C3orf22: variants seen among roughly 807,000 people sequenced by gnomAD.
The protein encoded by C3orf22 is chromosome 3 open reading frame 22.
C3orf22 carries 7 observed loss-of-function variants against 10.8 expected under a neutral mutation model. The observed-to-expected ratio is 0.65, with a 90% CI of 0.37 to 1.22. The LOEUF is 1.22. Ranked by LOEUF, C3orf22 falls within the 50% of genes most tolerant of loss-of-function variation. The pLI is 0.02. For missense variants in C3orf22, 173 were observed against 177.0 expected (o/e 0.98, Z 0.13); for synonymous variants, 79 against 78.9 (o/e 1.00, Z 0.00).
chr3:126,528,608 C>A (rs983116956), intron 5 of C3orf22, among the ~76,000 whole-genome samples: 2 of 152,038 alleles, frequency 1.3e-5, no homozygotes, highest in African/African-American at 4.8e-5. Flanking sequence ...AGCCCTGGGG[C>A]CTACCCGGGG....
chr3:126,546,631 C>T (rs948031334), downstream of C3orf22, among the ~76,000 whole-genome samples: 1 of 152,152 alleles, frequency 6.6e-6, no homozygotes, highest in Non-Finnish European at 1.5e-5. Flanking sequence ...AGAGAGCCCC[C>T]ATCAGGGAAC....
At chr3:126,535,199 A>T (rs1936752365) in intron 4 of C3orf22, among the ~76,000 whole-genome samples, 1 of 149,900 alleles carries the variant, frequency 6.7e-6, no homozygotes, top group Non-Finnish European at 1.5e-5. Context: ...AGACAGACAG[A>T]CAGCATCGCT....
At chr3:126,539,948 T>C (rs1342836492) in intron 4 of C3orf22, among the ~76,000 whole-genome samples, 19 of 13,640 alleles carry the variant, frequency 1.4e-3, no homozygotes, top group African/African-American at 3.9e-3. Context: ...ATGCCACACC[T>C]GCCACACATG....
At chr3:126,540,191 T>C (rs533376736) in intron 4 of C3orf22, among the ~76,000 whole-genome samples, 1 of 152,164 alleles carries the variant, frequency 6.6e-6, no homozygotes, top group Non-Finnish European at 1.5e-5. Context: ...TGGCCTCCTC[T>C]GAAATGGAAA....
chr3:126,550,253 G>A (rs145159042), intron 3 of C3orf22, 175 bp from the exon 4 acceptor site: 25 of 242,138 alleles, frequency 1.0e-4, no homozygotes, highest in African/African-American at 5.8e-4. Flanking sequence ...GATGTCCCAG[G>A]AAGCCATGGG....
At chr3:126,534,363 T>A (rs893278552) in intron 4 of C3orf22, among the ~76,000 whole-genome samples, 2 of 152,164 alleles carry the variant, frequency 1.3e-5, no homozygotes, top group African/African-American at 4.8e-5. Flanking sequence ...TTATAATAGT[T>A]CTAGGAAAAC....
chr3:126,530,589 G>A (rs1936637022), intron 4 of C3orf22, among the ~76,000 whole-genome samples: 1 of 152,244 alleles, frequency 6.6e-6, no homozygotes, highest in Non-Finnish European at 1.5e-5. Context: ...CTCCTCTCAT[G>A]GGTTGCCTGG....
chr3:126,546,270 G>C (rs189098698), downstream of C3orf22, among the ~76,000 whole-genome samples: 20 of 152,140 alleles, frequency 1.3e-4, no homozygotes, highest in Non-Finnish European at 1.3e-4. Flanking sequence ...GTTGGAAGTC[G>C]GGCGATAAAT....
intron 4 of C3orf22, among the ~76,000 whole-genome samples, chr3:126,537,477 T>C (rs1936822545): frequency 6.6e-6 from 1 of 152,244 alleles, no homozygotes; most frequent in East Asian, 1.9e-4. Flanking sequence ...GTTGGGTAGG[T>C]GGCTGCTCCC....
At chr3:126,551,280 CG>C (rs1360508454) in intron 3 of C3orf22, among the ~76,000 whole-genome samples, 2 of 152,040 alleles carry the variant, frequency 1.3e-5, no homozygotes, top group Admixed American at 6.5e-5. Context: ...CTGGAGTGGG[CG>C]GGGGGCCAGG....
chr3:126,550,686 C>T (rs1001744622), intron 3 of C3orf22, among the ~76,000 whole-genome samples: 3 of 152,174 alleles, frequency 2.0e-5, no homozygotes, highest in African/African-American at 4.8e-5. Context: ...TGGGCCCGGC[C>T]GTAGAGATGT....
intron 4 of C3orf22, chr3:126,536,263 GC>G (rs1560140385): frequency 2.5e-6 from 4 of 1,613,112 alleles, no homozygotes; most frequent in Non-Finnish European, 3.4e-6. Context: ...CTCTCCTTAT[GC>G]CCACAGCATT....
At chr3:126,542,471 C>T (rs768577396) in intron 4 of C3orf22, 2 of 1,580,780 alleles carry the variant, frequency 1.3e-6, no homozygotes, top group East Asian at 2.4e-5. Context: ...GGCAGCGCGC[C>T]TCTTCCGGGA....
At chr3:126,534,362 T>C (rs1032277318) in intron 4 of C3orf22, among the ~76,000 whole-genome samples, 1 of 152,174 alleles carries the variant, frequency 6.6e-6, no homozygotes, top group Non-Finnish European at 1.5e-5. Context: ...CTTATAATAG[T>C]TCTAGGAAAA....
chr3:126,527,527 G>A (rs1994642), exon 6 of C3orf22: 31,539 of 152,418 alleles, frequency 0.21, 3,903 homozygotes, highest in Admixed American at 0.27. Flanking sequence ...GCATCCATTG[G>A]CCCGGTCTGG....
chr3:126,533,084 A>G (rs1401427241), intron 4 of C3orf22, among the ~76,000 whole-genome samples: 1 of 152,208 alleles, frequency 6.6e-6, no homozygotes, highest in Non-Finnish European at 1.5e-5. Context: ...TTAATCTTGC[A>G]TCGTGCAACC....
intron 1 of C3orf22, among the ~76,000 whole-genome samples, chr3:126,555,147 C>G (rs1424295271): frequency 6.6e-6 from 1 of 152,218 alleles, no homozygotes; most frequent in Non-Finnish European, 1.5e-5. Flanking sequence ...GTTCTAGCGA[C>G]AAGCTTGGAG....
intron 4 of C3orf22, chr3:126,536,299 C>T: frequency 3.7e-6 from 6 of 1,614,064 alleles, no homozygotes; most frequent in Non-Finnish European, 4.2e-6. Flanking sequence ...TGGGCTCCAG[C>T]TGGCTTGGTG....
chr3:126,536,101 G>A (rs993458195), intron 4 of C3orf22, among the ~76,000 whole-genome samples: 14 of 152,110 alleles, frequency 9.2e-5, no homozygotes, highest in African/African-American at 3.1e-4. Context: ...TGCCCCATTA[G>A]TACCCCCTGC....
Sources: gnomAD v4.1 joint callset for allele counts (sites outside exome capture counted in the v4.1 genomes callset) on GRCh38, gnomAD v4.1.1 for gene constraint, MANE v1.5 for transcripts, NCBI Gene and HGNC (gene_info 2026-07-23, HGNC 2026-07-21) for gene names.